The following RGS6 variants were observed in gnomAD, a reference collection of about 807,000 sequenced individuals.
RGS6 encodes the protein regulator of G protein signaling 6.
RGS6 carries 30 observed loss-of-function variants against 78.5 expected under a neutral mutation model. The observed-to-expected ratio is 0.38, with a 90% confidence interval of 0.29 to 0.52. The LOEUF (loss-of-function observed/expected upper bound fraction) is 0.52, where lower values mean the gene tolerates loss of function less well. Among genes scored for constraint, RGS6 ranks in the 20% least tolerant of loss-of-function variants. The pLI is 0.85. For synonymous variants in RGS6, 206 were observed against 206.0 expected (o/e 1.00, Z 0.00); for missense variants, 495 against 609.7 (o/e 0.81, Z 1.98).
intron 1 of RGS6, among the ~76,000 whole-genome samples, chr14:71,935,340 A>G (rs2088908415): frequency 6.6e-6 from 1 of 152,234 alleles, no homozygotes; most frequent in Non-Finnish European, 1.5e-5. Flanking sequence ...AGCCACTGTT[A>G]ACATATCTTT....
chr14:72,231,020 G>A (rs2049428564), intron 2 of RGS6, among the ~76,000 whole-genome samples: 1 of 152,164 alleles, frequency 6.6e-6, no homozygotes, highest in African/African-American at 2.4e-5. Flanking sequence ...TAAATACCTA[G>A]CAAATAGAAG....
intron 2 of RGS6, among the ~76,000 whole-genome samples, chr14:72,311,863 G>A (rs1324411374): frequency 1.3e-5 from 2 of 152,218 alleles, no homozygotes; most frequent in Non-Finnish European, 2.9e-5. Flanking sequence ...ATGGCCTTCA[G>A]TGATGGAGTA....
chr14:72,177,542 T>C (rs974046477), intron 2 of RGS6, among the ~76,000 whole-genome samples: 4 of 152,186 alleles, frequency 2.6e-5, no homozygotes, highest in Admixed American at 6.5e-5. Flanking sequence ...ATGGGAATAA[T>C]GATTAAAAGG....
At chr14:72,551,544 T>C (rs1599053428) in intron 17 of RGS6, among the ~76,000 whole-genome samples, 1 of 152,162 alleles carries the variant, frequency 6.6e-6, no homozygotes, top group South Asian at 2.1e-4. Flanking sequence ...CTACTGAAGG[T>C]GGCCTGCTCG....
the RGS6 span, among the ~76,000 whole-genome samples, chr14:71,894,007 A>G: frequency 3.9e-5 from 6 of 152,332 alleles, no homozygotes; most frequent in African/African-American, 1.4e-4. Context: ...TCTTACTGCC[A>G]TAAGAATTTA....
chr14:72,620,578 C>T, the RGS6 span, among the ~76,000 whole-genome samples: 9 of 152,200 alleles, frequency 5.9e-5, no homozygotes, highest in African/African-American at 2.2e-4. Context: ...TGGTTAACTT[C>T]AAAGGACACA....
intron 13 of RGS6, among the ~76,000 whole-genome samples, chr14:72,495,709 G>A (rs2096636375): frequency 6.6e-6 from 1 of 152,178 alleles, no homozygotes; most frequent in Non-Finnish European, 1.5e-5. Flanking sequence ...GCACAGAGGA[G>A]TTAATGAACT....
chr14:72,280,815 T>C (rs7144302), intron 2 of RGS6, among the ~76,000 whole-genome samples: 56,285 of 152,088 alleles, frequency 0.37, 11,682 homozygotes, highest in Non-Finnish European at 0.47. Context: ...AAGGTGAGAC[T>C]GAGTCCAGGT....
At chr14:72,576,629 T>C in the RGS6 span, among the ~76,000 whole-genome samples, 1 of 152,218 alleles carries the variant, frequency 6.6e-6, no homozygotes, top group African/African-American at 2.4e-5. Context: ...ATAACAGACA[T>C]GTGATACTTG....
chr14:72,314,008 A>G (rs1467150210), intron 2 of RGS6, among the ~76,000 whole-genome samples: 4 of 152,100 alleles, frequency 2.6e-5, no homozygotes, highest in Non-Finnish European at 1.5e-5. Context: ...CATCAACTAA[A>G]TATTTGTTAT....
chr14:71,892,782 A>G, the RGS6 span, among the ~76,000 whole-genome samples: 1 of 152,240 alleles, frequency 6.6e-6, no homozygotes, highest in Non-Finnish European at 1.5e-5. Flanking sequence ...AGTATAATGG[A>G]TTATTAGGTA....
chr14:72,222,909 A>C (rs1181527104), intron 2 of RGS6, among the ~76,000 whole-genome samples: 7 of 152,212 alleles, frequency 4.6e-5, no homozygotes, highest in Admixed American at 4.6e-4. Flanking sequence ...CACAATAGTT[A>C]AATATTTCCT....
intron 2 of RGS6, among the ~76,000 whole-genome samples, chr14:72,325,958 T>G (rs1555646819): frequency 6.6e-6 from 1 of 152,210 alleles, no homozygotes; most frequent in Non-Finnish European, 1.5e-5. Context: ...CATGAATTGG[T>G]ACAATGTTGA....
At position 71,950,982 on chromosome 14, in the gene RGS6, T is replaced by A. The variant is rs549958199; in HGVS notation, c.-20-13790T>A. Among the ~76,000 whole-genome samples the A allele has an allele frequency of 4.6e-4, 70 of 152,200 alleles. No individual in the cohort carries two copies. The South Asian group carries it at 0.014, about 31-fold the overall frequency. On this transcript the variant is annotated intron_variant, in intron 1 of 17. Coordinates refer to ENST00000553525, the MANE Select transcript of RGS6 (RefSeq NM_001204424.2). ...TGGGAGTGTAAATTGGATCAACCAT[T>A]GTGGAAGACAGTGTGGTGATTCCTC...
chr14:72,587,003 A>T, the RGS6 span, among the ~76,000 whole-genome samples: 2 of 152,314 alleles, frequency 1.3e-5, no homozygotes, highest in African/African-American at 4.8e-5. Context: ...GAATGGACAG[A>T]TTGAATCATC....
At chr14:71,976,661 T>C (rs36139360) in intron 2 of RGS6, among the ~76,000 whole-genome samples, 24,006 of 152,206 alleles carry the variant, frequency 0.16, 2,315 homozygotes, top group Non-Finnish European at 0.21. Flanking sequence ...CAGTCTATCA[T>C]TGTTGGACAT....
chr14:72,431,210 A>G (rs1016529667), intron 3 of RGS6, among the ~76,000 whole-genome samples: 1 of 152,186 alleles, frequency 6.6e-6, no homozygotes, highest in Non-Finnish European at 1.5e-5. Flanking sequence ...GTAGCAGCAG[A>G]ACTCTTCAAT....
chr14:72,270,461 A>T (rs1418945872), intron 2 of RGS6, among the ~76,000 whole-genome samples: 1 of 152,254 alleles, frequency 6.6e-6, no homozygotes, highest in Non-Finnish European at 1.5e-5. Context: ...TTCAGATGTC[A>T]CCTGAGGACG....
intron 1 of RGS6, among the ~76,000 whole-genome samples, chr14:71,945,341 C>G (rs2091346929): frequency 6.6e-6 from 1 of 152,132 alleles, no homozygotes; most frequent in South Asian, 2.1e-4. Flanking sequence ...CAGCATCTGT[C>G]ACAGATTCTG....
Sources: allele counts gnomAD v4.1 joint callset (sites outside exome capture counted in the v4.1 genomes callset), GRCh38; gene constraint gnomAD v4.1.1; transcripts MANE v1.5; gene names NCBI Gene and HGNC (gene_info 2026-07-23, HGNC 2026-07-21).